The following GPR137C variants were observed in gnomAD, a reference collection of about 807,000 sequenced individuals.
GPR137C encodes the protein integral membrane protein GPR137C.
A neutral mutation model predicts 43.4 loss-of-function variants in GPR137C; 27 were observed. That is an observed-to-expected ratio of 0.62 (90% CI 0.46 to 0.86). The LOEUF (loss-of-function observed/expected upper bound fraction) is 0.86. Among genes scored for constraint, GPR137C ranks in the 40% least tolerant of loss-of-function variants. The pLI is 0.00. For synonymous variants in GPR137C, 285 were observed against 226.9 expected (o/e 1.26, Z -2.30); for missense variants, 522 against 534.6 (o/e 0.98, Z 0.23).
chr14:52,603,821 G>T (rs1451401381), intron 3 of GPR137C, among the ~76,000 whole-genome samples: 1 of 152,126 alleles, frequency 6.6e-6, no homozygotes, highest in Non-Finnish European at 1.5e-5. Context: ...TTACAGATGG[G>T]AGCCACTGTG....
intron 3 of GPR137C, among the ~76,000 whole-genome samples, chr14:52,601,095 T>C (rs2038918479): frequency 6.6e-6 from 1 of 152,158 alleles, no homozygotes; most frequent in Non-Finnish European, 1.5e-5. Context: ...TTTCTACCAT[T>C]GTTGATTGAC....
intron 3 of GPR137C, among the ~76,000 whole-genome samples, chr14:52,614,951 C>G (rs934438771): frequency 6.6e-6 from 1 of 152,108 alleles, no homozygotes; most frequent in South Asian, 2.1e-4. Context: ...TGCACAGAAG[C>G]TTTTTAACTC....
At chr14:52,633,981 A>G (rs765161965) in intron 6 of GPR137C, 35 bp downstream of exon 6, 36 of 1,178,720 alleles carry the variant, frequency 3.1e-5, no homozygotes, top group Non-Finnish European at 3.8e-5. Flanking sequence ...CTGAATTACT[A>G]TTGAAATTGA....
chr14:52,553,516 C>T lies in GPR137C; in HGVS notation c.369C>T (p.Pro123=), dbSNP rs763398548. 1 of 1,609,510 alleles carries T rather than the reference C, an allele frequency of 6.2e-7. No individual in the cohort carries two copies. Among genetic ancestry groups the T allele is most frequent in the South Asian group, 1.1e-5 (1 of 91,034 alleles). ...LRPPAHLHFF[P]HWLLYCFPSC... ...CGCCCGCTCACCTGCACTTCTTCCC[C>T]CACTGGCTGCTCTACTGCTTCCCCT... is the stretch of plus-strand genomic sequence containing the variant. The change falls in exon 1 of 7, where the codon CCC becomes CCT. Residue 123 remains proline, a synonymous_variant. Transcript: ENST00000321662.
chr14:52,635,946 G>T lies in GPR137C; in HGVS notation c.*831G>T, dbSNP rs1294110963. The T allele has an allele frequency of 3.3e-5, 5 of 152,064 alleles. No individual in the cohort carries two copies. Among genetic ancestry groups the T allele is most frequent in the African/African-American group, 1.2e-4 (5 of 41,418 alleles). 9.4% of individuals were successfully genotyped at this position (152,064 alleles called of 1,614,324 possible). On this transcript the variant is annotated 3_prime_UTR_variant, in exon 7 of 7. Transcript: ENST00000321662. ...TAAACAAGTTTAGAGATGCATTTAA[G>T]AATTATTCACAAAATGTGTAATTCT...
chr14:52,561,346 G>A (rs190323222), intron 1 of GPR137C, among the ~76,000 whole-genome samples: 158 of 152,256 alleles, frequency 1.0e-3, no homozygotes, highest in Admixed American at 2.0e-3. Context: ...GGTGGCACAG[G>A]CCTATGGTCC....
chr14:52,556,348 C>G (rs2038193023), intron 1 of GPR137C, among the ~76,000 whole-genome samples: 1 of 150,724 alleles, frequency 6.6e-6, no homozygotes, highest in East Asian at 1.9e-4. Context: ...TATTCTAAAA[C>G]TCATGTTTTT....
intron 4 of GPR137C, among the ~76,000 whole-genome samples, 159 bp downstream of exon 4, chr14:52,632,468 C>T (rs1259481818): frequency 2.0e-5 from 3 of 151,992 alleles, no homozygotes; most frequent in Non-Finnish European, 2.9e-5. Context: ...TCTTTATGTA[C>T]GTGTGACATT....
chr14:52,634,994 G>A lies in GPR137C; in HGVS notation c.1169G>A (p.Ser390Asn). The A allele has an allele frequency of 1.9e-6, 3 of 1,612,574 alleles. No individual in the cohort carries two copies. The highest frequency in any genetic ancestry group is 2.2e-5 in the South Asian group (2 of 90,844). ...GGCACCATGACTGGGTGTGGCAGCA[G>A]CAGTTACACAGTCACTCCCCACCTG... is the stretch of plus-strand genomic sequence containing the variant. ...WYGTMTGCGS[S>N]SYTVTPHLNG... Residue 390 changes from serine to asparagine, a missense_variant, in exon 7 of 7, where the codon AGC becomes AAC. Around this residue, in one of 3 missense-constraint regions of GPR137C, gnomAD observed 67 missense variants for 69.0 expected, o/e 0.97. Coordinates refer to ENST00000321662, the MANE Select transcript of GPR137C (RefSeq NM_001099652.2).
chr14:52,598,431 A>G lies in GPR137C; in HGVS notation c.488+116A>G, dbSNP rs2038883375. 8.9e-6 allele frequency: 4 copies of G among 449,302 alleles called. No homozygotes were observed. In the South Asian group the frequency reaches 2.5e-4, roughly 28 times the overall value. The allele number at this position is 449,302 out of a possible 1,614,324, so 27.8% of individuals were successfully genotyped here. On this transcript the variant is annotated intron_variant, in intron 2 of 6. Transcript: ENST00000321662. Reference sequence around the variant, plus strand: ...TTTTTAATAGTAGACTTCTCGTGGTAGAAGGGAGTGGTTGTTGAGGGCACC... The same window carrying G: ...TTTTTAATAGTAGACTTCTCGTGGTGGAAGGGAGTGGTTGTTGAGGGCACC...
At chr14:52,555,465 C>T (rs111577801) in intron 1 of GPR137C, among the ~76,000 whole-genome samples, 276 of 152,132 alleles carry the variant, frequency 1.8e-3, no homozygotes, top group African/African-American at 6.4e-3. Flanking sequence ...CAGTAGCTCC[C>T]CCAGGTAAGC....
intron 1 of GPR137C, among the ~76,000 whole-genome samples, chr14:52,573,415 G>A (rs145221711): frequency 0.022 from 3,357 of 152,134 alleles, 53 homozygotes; most frequent in Non-Finnish European, 0.033. Context: ...CAGAAATAAC[G>A]ACACATGTCT....
At chr14:52,573,581 A>G (rs969862860) in intron 1 of GPR137C, among the ~76,000 whole-genome samples, 2 of 152,224 alleles carry the variant, frequency 1.3e-5, no homozygotes, top group Non-Finnish European at 2.9e-5. Flanking sequence ...CTCACGATGG[A>G]TTGAAGACTT....
chr14:52,612,149 AT>A (rs2039045134), intron 3 of GPR137C: 1 of 983,392 alleles, frequency 1.0e-6, no homozygotes, highest in South Asian at 4.7e-5. Flanking sequence ...ATTTTTTCTG[AT>A]TATTAAAACT....
At chr14:52,632,660 T>C (rs185998694) in intron 4 of GPR137C, among the ~76,000 whole-genome samples, 46 of 152,234 alleles carry the variant, frequency 3.0e-4, no homozygotes, top group Admixed American at 2.8e-3. Context: ...ATATGGTCTT[T>C]GTTAGGAGGA....
At chr14:52,582,450 CT>C (rs938031295) in intron 1 of GPR137C, among the ~76,000 whole-genome samples, 5 of 152,212 alleles carry the variant, frequency 3.3e-5, no homozygotes, top group Non-Finnish European at 7.3e-5. Context: ...ATACTCTCAT[CT>C]TTCCTTTATT....
chr14:52,600,475 A>G, intron 3 of GPR137C, 134 bp downstream of exon 3: 1 of 602,894 alleles, frequency 1.7e-6, no homozygotes, highest in African/African-American at 1.9e-5. Flanking sequence ...GGGTCTCGCC[A>G]TATTAGTCAG....
chr14:52,553,230 G>A lies in GPR137C; in HGVS notation c.83G>A (p.Gly28Glu). 2 of 1,291,174 alleles carry A rather than the reference G, an allele frequency of 1.5e-6. No individual in the cohort carries two copies. The highest frequency in any genetic ancestry group is 2.0e-6 in the Non-Finnish European group (2 of 1,020,536). The allele number at this position is 1,291,174 out of a possible 1,614,324, so 80.0% of individuals were successfully genotyped here. The change falls in exon 1 of 7, where the codon GGA becomes GAA. Residue 28 changes from glycine (G) to glutamate (E), a missense_variant. Physicochemically the swap from Gly to Glu is moderately conservative, Grantham distance 98 (BLOSUM62 -2). Coordinates refer to ENST00000321662, the MANE Select transcript of GPR137C (RefSeq NM_001099652.2). The part of the protein sequence containing the change: ...REPSTPGGGS[G>E]GGGAVAAASG... ...CCCTCCACGCCCGGCGGGGGCAGCG[G>A]AGGCGGAGGCGCCGTCGCTGCAGCC...
At position 52,553,170 on chromosome 14, in the gene GPR137C, C is replaced by A. The variant is rs999379237; in HGVS notation, c.23C>A (p.Pro8Gln). 26 of 1,177,650 alleles carry A rather than the reference C, an allele frequency of 2.2e-5. No individual in the cohort carries two copies. Among genetic ancestry groups the A allele is most frequent in the Admixed American group, 4.6e-5 (1 of 21,858 alleles). The allele number at this position is 1,177,650 out of a possible 1,614,324, so 73.0% of individuals were successfully genotyped here. A position where few individuals can be genotyped will look rare whatever the true frequency, so the allele number is the denominator to read the frequency against. Residue 8 changes from proline to glutamine, a missense_variant, in exon 1 of 7, where the codon CCG becomes CAG. By Grantham distance (76) the Pro-to-Gln change is moderately conservative. This residue lies in a region of GPR137C where 437 missense variants were observed against 425.7 expected (regional missense o/e 1.03). Transcript: ENST00000321662. MRVSVPG[P>Q]AAAAAPAAGR... ...CTCATGAGGGTGTCCGTGCCGGGTC[C>A]GGCGGCCGCTGCCGCCCCCGCAGCC...
Sources: gnomAD v4.1 joint callset for allele counts (sites outside exome capture counted in the v4.1 genomes callset) on GRCh38, gnomAD v4.1.1 for gene constraint, gnomAD v4.1.1 regional missense constraint, MANE v1.5 for transcripts, NCBI Gene and HGNC (gene_info 2026-07-23, HGNC 2026-07-21) for gene names.